The following DEAF1 variants were observed in gnomAD, a reference collection of about 807,000 sequenced individuals.
DEAF1 encodes the protein DEAF1 transcription factor.
DEAF1 carries 53 observed loss-of-function variants against 58.9 expected under a neutral mutation model. The observed-to-expected ratio is 0.90, with a 90% CI of 0.72 to 1.13. The LOEUF (loss-of-function observed/expected upper bound fraction) is 1.13. Ranked by LOEUF, DEAF1 falls within the 50% of genes most tolerant of loss-of-function variation. DEAF1 has a pLI of 0.00. For missense variants in DEAF1, 685 were observed against 791.4 expected (o/e 0.87, Z 1.61); for synonymous variants, 385 against 340.4 (o/e 1.13, Z -1.44).
rs1858918446 is a variant in DEAF1, at chr11:653,953, G to A, written c.1593+9C>T. 1 of 1,612,922 alleles carries A rather than the reference G, an allele frequency of 6.2e-7. No homozygotes were observed. The highest frequency in any genetic ancestry group is 8.5e-7 in the Non-Finnish European group (1 of 1,179,060). On this transcript the variant is annotated intron_variant, in intron 11 of 11. Transcript: ENST00000382409. ...CGGGGGCACTGAGCCTGGTGTAGGT[G>A]AGACCTACCTTGCGTTGGCAGAAGG...
chr11:705,703 G>C (rs1398051627), intron 1 of DEAF1, among the ~76,000 whole-genome samples: 2 of 152,124 alleles, frequency 1.3e-5, no homozygotes, highest in East Asian at 1.9e-4. Context: ...GGTAAGGGAA[G>C]TGACTCTGCC....
intron 2 of DEAF1, among the ~76,000 whole-genome samples, chr11:689,467 T>C (rs1010675634): frequency 1.3e-5 from 2 of 152,032 alleles, no homozygotes; most frequent in African/African-American, 4.8e-5. Flanking sequence ...CATCTCGGCC[T>C]CCCAGAGTGC....
At chr11:648,417 G>A (rs367827377) in intron 11 of DEAF1, among the ~76,000 whole-genome samples, 13 of 151,984 alleles carry the variant, frequency 8.6e-5, no homozygotes, top group South Asian at 8.3e-4. Flanking sequence ...GGATGGTCTC[G>A]ATCTCCTGAC....
At chr11:666,890 A>AAG (rs1554939425) in intron 10 of DEAF1, among the ~76,000 whole-genome samples, 2 of 150,596 alleles carry the variant, frequency 1.3e-5, no homozygotes, top group Non-Finnish European at 2.9e-5. Flanking sequence ...AAAAAAAAAA[A>AAG]AAAAAAAGAA....
At chr11:669,761 C>G (rs1040572597) in intron 10 of DEAF1, among the ~76,000 whole-genome samples, 4 of 151,168 alleles carry the variant, frequency 2.6e-5, no homozygotes, top group African/African-American at 4.9e-5. Context: ...GAAACCTCGT[C>G]TCTACTTAAA....
intron 10 of DEAF1, among the ~76,000 whole-genome samples, chr11:672,586 C>A (rs1377625413): frequency 6.6e-6 from 1 of 152,186 alleles, no homozygotes; most frequent in Non-Finnish European, 1.5e-5. Flanking sequence ...GTGGCTCATG[C>A]CTGTAATCCC....
chr11:678,853 G>A (rs779092386), intron 8 of DEAF1, 31 bp from the exon 9 acceptor site: 45 of 1,612,106 alleles, frequency 2.8e-5, no homozygotes, highest in Middle Eastern at 1.7e-4. Flanking sequence ...AGGGAGGCTC[G>A]GGATGGTTGT....
At chr11:667,063 G>A (rs1859569964) in intron 10 of DEAF1, among the ~76,000 whole-genome samples, 1 of 151,880 alleles carries the variant, frequency 6.6e-6, no homozygotes, top group Admixed American at 6.6e-5. Flanking sequence ...AGCTGGGCAT[G>A]GTGGTACACA....
At chr11:678,955 A>C in intron 8 of DEAF1, 133 bp from the exon 9 acceptor site, 1 of 1,172,514 alleles carries the variant, frequency 8.5e-7, no homozygotes, top group Non-Finnish European at 1.2e-6. Flanking sequence ...GAGCCCCTGA[A>C]ATGTGGTGAT....
At chr11:686,553 G>A (rs538733062) in intron 5 of DEAF1, among the ~76,000 whole-genome samples, 1 of 152,182 alleles carries the variant, frequency 6.6e-6, no homozygotes, top group Admixed American at 6.5e-5. Context: ...AACTTCTACT[G>A]TTTTCATTTT....
intron 10 of DEAF1, among the ~76,000 whole-genome samples, chr11:662,238 G>A (rs1021701539): frequency 5.9e-5 from 9 of 152,122 alleles, no homozygotes; most frequent in African/African-American, 2.2e-4. Context: ...AGCTGAGATC[G>A]CGCCACTGCA....
At position 685,095 on chromosome 11, in the gene DEAF1, T is replaced by TTTC. The variant is rs1332657357; in HGVS notation, c.805-133_805-132insGAA. ...AATATAAAAATTCTTTTTTTTTTTT[T>TTTC]TTTTTTTGAGACAGAGTCTTGTTGG... On this transcript the variant is annotated intron_variant, in intron 5 of 11. Transcript: ENST00000382409. 1.3e-5 allele frequency: 11 copies of TTTC among 816,390 alleles called. 1 individual carries two copies. The highest frequency in any genetic ancestry group is 2.1e-5 in the Non-Finnish European group (11 of 527,106). 50.6% of individuals were successfully genotyped at this position (816,390 alleles called of 1,614,324 possible). A position where few individuals can be genotyped will look rare whatever the true frequency, so the allele number is the denominator to read the frequency against.
intron 1 of DEAF1, chr11:704,913 C>T (rs1207671662): frequency 1.4e-5 from 5 of 352,136 alleles, no homozygotes; most frequent in Non-Finnish European, 2.8e-5. Flanking sequence ...GGTGAGGGCA[C>T]GGGTGCACCG....
At position 688,584 on chromosome 11, in the gene DEAF1, T is replaced by C; in HGVS notation, c.388-124A>G. Reference sequence around the variant, plus strand: ...TTCTCACCAAGAAGGGACGCTCACCTAGGCACCCCATATCTTTTCCAAAGA... The same window carrying C: ...TTCTCACCAAGAAGGGACGCTCACCCAGGCACCCCATATCTTTTCCAAAGA... On this transcript the variant is annotated intron_variant, in intron 2 of 11. Coordinates refer to ENST00000382409, the MANE Select transcript of DEAF1 (RefSeq NM_021008.4). The surrounding 1 kb of genome is among the most constrained non-coding windows in gnomAD (Gnocchi z 4.3). 2 of 1,141,522 alleles carry C rather than the reference T, an allele frequency of 1.8e-6. No individual in the cohort carries two copies. Among genetic ancestry groups the C allele is most frequent in the South Asian group, 2.5e-5 (2 of 79,930 alleles). The allele number at this position is 1,141,522 out of a possible 1,614,324, so 70.7% of individuals were successfully genotyped here. A position where few individuals can be genotyped will look rare whatever the true frequency, so the allele number is the denominator to read the frequency against.
At chr11:665,307 AGAG>A (rs1171985147) in intron 10 of DEAF1, among the ~76,000 whole-genome samples, 2 of 151,804 alleles carry the variant, frequency 1.3e-5, no homozygotes, top group Non-Finnish European at 2.9e-5. Context: ...ATTCACACTG[AGAG>A]GAGGAGGACA....
intron 11 of DEAF1, among the ~76,000 whole-genome samples, chr11:652,510 T>C (rs1157257060): frequency 6.6e-6 from 1 of 152,026 alleles, no homozygotes; most frequent in Non-Finnish European, 1.5e-5. Context: ...TGGAGGTGCA[T>C]GCCTGTAATC....
chr11:680,002 A>AACCAGGATG (rs71278583), intron 7 of DEAF1, 186 bp from the exon 8 acceptor site: 363,611 of 686,508 alleles, frequency 0.53, 102,737 homozygotes, highest in East Asian at 0.74. Flanking sequence ...CACAGGAGAA[A>AACCAGGATG]ACCAGGATGG....
chr11:691,224 G>A (rs1353674254), intron 2 of DEAF1, among the ~76,000 whole-genome samples: 1 of 152,256 alleles, frequency 6.6e-6, no homozygotes, highest in African/African-American at 2.4e-5. Context: ...CCGGACAGCA[G>A]CCTGCTGGGA....
upstream of DEAF1, chr11:698,839 G>A: frequency 6.2e-7 from 1 of 1,614,132 alleles, no homozygotes; most frequent in Non-Finnish European, 8.5e-7. Context: ...GTGGCTGTCA[G>A]GCCTTGCTCA....
Sources: gnomAD v4.1 joint callset for allele counts (sites outside exome capture counted in the v4.1 genomes callset) on GRCh38, gnomAD v4.1.1 for gene constraint, Gnocchi (gnomAD v3.1) non-coding constraint, MANE v1.5 for transcripts, NCBI Gene and HGNC (gene_info 2026-07-23, HGNC 2026-07-21) for gene names.